Variants in LARP7 observed in about 807,000 individuals in gnomAD.
LARP7 encodes La ribonucleoprotein 7, transcriptional regulator.
LARP7 carries 52 observed loss-of-function variants against 69.3 expected under a neutral mutation model. That is an observed-to-expected ratio of 0.75 (90% CI 0.60 to 0.95). The LOEUF is 0.95. Ranked by LOEUF, LARP7 falls within the 40% of genes least tolerant of loss-of-function variation. LARP7 has a pLI of 0.00. For missense variants in LARP7, 733 were observed against 673.0 expected (o/e 1.09, Z -0.99); for synonymous variants, 254 against 215.9 (o/e 1.18, Z -1.55).
intron 1 of LARP7, among the ~76,000 whole-genome samples, chr4:112,644,007 C>CACTT (rs2048061296): frequency 6.6e-6 from 1 of 151,964 alleles, no homozygotes; most frequent in Non-Finnish European, 1.5e-5. Context: ...CTTTGGGAGG[C>CACTT]GGAGGCGGGC....
chr4:112,653,967 A>G lies in LARP7; in HGVS notation c.1577-101A>G. The G allele has an allele frequency of 3.6e-6, 3 of 831,070 alleles. No homozygotes were observed. In the South Asian group the frequency reaches 4.6e-5, roughly 13 times the overall value. The allele number at this position is 831,070 out of a possible 1,614,324, so 51.5% of individuals were successfully genotyped here. ...TGTAAAGTAGCATTAAATATAATCA[A>G]AAACTGTCCTAGTTACTATTATTGA... On this transcript the variant is annotated intron_variant, in intron 11 of 12. Coordinates refer to ENST00000344442, the MANE Select transcript of LARP7 (RefSeq NM_016648.4).
intron 10 of LARP7, 109 bp downstream of exon 10, chr4:112,650,691 T>G (rs910900011): frequency 8.1e-7 from 1 of 1,240,246 alleles, no homozygotes; most frequent in Non-Finnish European, 1.1e-6. Context: ...AGAATTTGTT[T>G]CCCTATGGTA....
chr4:112,650,758 T>C (rs1226843291), intron 10 of LARP7, among the ~76,000 whole-genome samples, 176 bp downstream of exon 10: 1 of 152,190 alleles, frequency 6.6e-6, no homozygotes, highest in East Asian at 1.9e-4. Context: ...TGAAGCAAAA[T>C]CTAGAGGCTG....
intron 1 of LARP7, among the ~76,000 whole-genome samples, chr4:112,643,048 C>T (rs776159212): frequency 2.0e-5 from 3 of 152,196 alleles, no homozygotes; most frequent in Non-Finnish European, 4.4e-5. Flanking sequence ...TCAACAAAAT[C>T]GAGGCACAAT....
chr4:112,644,621 C>G, intron 1 of LARP7, 47 bp from the exon 2 acceptor site: 2 of 1,375,552 alleles, frequency 1.5e-6, no homozygotes, highest in Non-Finnish European at 2.0e-6. Flanking sequence ...ACTATATTAG[C>G]TATTGTGGTG....
Position 112,646,398 on chromosome 4 carries a change from A to G in LARP7, c.250A>G (p.Thr84Ala). 6.2e-7 allele frequency: 1 copy of G among 1,604,904 alleles called. No individual in the cohort carries two copies. The highest frequency in any genetic ancestry group is 8.5e-7 in the Non-Finnish European group (1 of 1,172,832). Residue 84 changes from threonine (T) to alanine (A), a missense_variant, in exon 3 of 13, where the codon ACT (threonine) becomes GCT (alanine). Transcript: ENST00000344442. ...GTCTTTTAACAAAATGAAAAAATTG[A>G]CTACTGATGGGAAGTTAATTGCCAG... ...LVSFNKMKKL[T>A]TDGKLIARAL...
At chr4:112,655,163 A>T (rs537344435) in intron 12 of LARP7, among the ~76,000 whole-genome samples, 7 of 152,290 alleles carry the variant, frequency 4.6e-5, no homozygotes, top group African/African-American at 1.7e-4. Flanking sequence ...CTTCCCAAGG[A>T]TTCTTTCAGG....
In LARP7 at chr4:112,637,252, C is replaced by T. The variant is rs1269637632; in HGVS notation, c.-3+13C>T. The T allele has an allele frequency of 6.6e-6, 1 of 152,240 alleles. No individual in the cohort carries two copies. The highest frequency in any genetic ancestry group is 2.4e-5 in the African/African-American group (1 of 41,456). 9.4% of individuals were successfully genotyped at this position (152,240 alleles called of 1,614,324 possible). ...GGAGTCGAACGGAGTAAGTTACAAG[C>T]GGCCTATAGGGTCGCACAGCTTGGG... On this transcript the variant is annotated intron_variant, in intron 1 of 12. Coordinates refer to ENST00000344442, the MANE Select transcript of LARP7 (RefSeq NM_016648.4).
chr4:112,646,647 T>C lies in LARP7; in HGVS notation c.363T>C (p.Asp121=). The change falls in exon 4 of 13, where the codon GAT becomes GAC. Residue 121 remains aspartate, a synonymous_variant. Coordinates refer to ENST00000344442, the MANE Select transcript of LARP7 (RefSeq NM_016648.4). ...AACCTCTGGGGGAAAGACCAAAGGA[T>C]GAGGATGAACGCACAGTGTATGTGG... is the stretch of plus-strand genomic sequence containing the variant. ...RKKPLGERPK[D]EDERTVYVEL... 1 of 1,606,150 alleles carries C rather than the reference T, an allele frequency of 6.2e-7. No homozygotes were observed. Among genetic ancestry groups the C allele is most frequent in the African/African-American group, 1.3e-5 (1 of 74,862 alleles).
chr4:112,639,595 T>C (rs1578548053), intron 1 of LARP7, among the ~76,000 whole-genome samples: 1 of 152,164 alleles, frequency 6.6e-6, no homozygotes, highest in East Asian at 1.9e-4. Flanking sequence ...GGGAAGGTGC[T>C]AAGGAATTTC....
At chr4:112,641,126 C>T (rs1185759536) in intron 1 of LARP7, among the ~76,000 whole-genome samples, 3 of 152,118 alleles carry the variant, frequency 2.0e-5, no homozygotes, top group South Asian at 2.1e-4. Flanking sequence ...CTGAGCTGGG[C>T]GCGGTGGCTC....
chr4:112,646,529 A>C (rs1227388947), intron 3 of LARP7, 59 bp from the exon 4 acceptor site: 1 of 1,268,248 alleles, frequency 7.9e-7, no homozygotes, highest in Admixed American at 2.3e-5. Flanking sequence ...TTATTATATG[A>C]TTATAGCTTA....
Position 112,644,815 on chromosome 4 carries a change from C to G in LARP7, c.146C>G (p.Ala49Gly). ...AKQVDFWFGD[A>G]NLHKDRFLRE... ...CAAGTGGACTTCTGGTTTGGGGATGCAAATCTTCACAAGGATAGATTTCTT... is the reference window on the plus strand; with the variant it reads ...CAAGTGGACTTCTGGTTTGGGGATGGAAATCTTCACAAGGATAGATTTCTT... Residue 49 changes from alanine to glycine, a missense_variant, in exon 2 of 13, where the codon GCA becomes GGA. Ala to Gly is a moderately conservative substitution (Grantham distance 60, BLOSUM62 0). Transcript: ENST00000344442. 1 of 1,607,446 alleles carries G rather than the reference C, an allele frequency of 6.2e-7. No individual in the cohort carries two copies. Among genetic ancestry groups the G allele is most frequent in the Non-Finnish European group, 8.5e-7 (1 of 1,175,896 alleles).
At position 112,647,491 on chromosome 4, in the gene LARP7, G is replaced by T. The variant is rs754655165; in HGVS notation, c.939G>T (p.Lys313Asn). Residue 313 changes from lysine (K) to asparagine (N), a missense_variant, in exon 7 of 13, where the codon AAG becomes AAT. Coordinates refer to ENST00000344442, the MANE Select transcript of LARP7 (RefSeq NM_016648.4). Reference protein sequence around the residue: ...AESLAPRSKVKKIIQKDIIKE... With the variant: ...AESLAPRSKVNKIIQKDIIKE... ...CCCTAGCTCCCCGATCAAAAGTAAA[G>T]AAAATTATTCAGAAAGACATCATTA... 6.2e-7 allele frequency: 1 copy of T among 1,613,488 alleles called. No individual in the cohort carries two copies. The highest frequency in any genetic ancestry group is 8.5e-7 in the Non-Finnish European group (1 of 1,179,740).
chr4:112,649,594 C>G lies in LARP7; in HGVS notation c.1202C>G (p.Ser401Cys). The G allele has an allele frequency of 1.2e-6, 2 of 1,607,480 alleles. No individual in the cohort carries two copies. The highest frequency in any genetic ancestry group is 1.7e-6 in the Non-Finnish European group (2 of 1,176,590). ...GCGCTACAAAAAGCTAGCATGGCTT[C>G]TTTAAAAAAAACAATATCCCAAATA... is the stretch of plus-strand genomic sequence containing the variant. ...YLALQKASMA[S>C]LKKTISQIKS... Residue 401 changes from serine (S) to cysteine (C), a missense_variant, in exon 9 of 13, where the codon TCT becomes TGT. Ser to Cys is a moderately radical substitution (Grantham distance 112, BLOSUM62 -1). Transcript: ENST00000344442.
At chr4:112,640,493 G>A (rs191480348) in intron 1 of LARP7, among the ~76,000 whole-genome samples, 1 of 152,198 alleles carries the variant, frequency 6.6e-6, no homozygotes, top group African/African-American at 2.4e-5. Context: ...CTTGAGGTCA[G>A]GAGTTTGAGA....
rs1264525297 is a variant in LARP7 at position 112,647,187 on chromosome 4, G to A, written c.647-12G>A. 6.3e-7 allele frequency: 1 copy of A among 1,590,368 alleles called. No homozygotes were observed. The highest frequency in any genetic ancestry group is 8.5e-7 in the Non-Finnish European group (1 of 1,174,036). On this transcript the variant is annotated splice_polypyrimidine_tract_variant and intron_variant, in intron 6 of 12. Coordinates refer to ENST00000344442, the MANE Select transcript of LARP7 (RefSeq NM_016648.4). ...GAAGTAAGATGAACTAATAATGATGGCACTTTTACAGAAGAGAAGAAAAAG... is the reference window on the plus strand; with the variant it reads ...GAAGTAAGATGAACTAATAATGATGACACTTTTACAGAAGAGAAGAAAAAG...
At position 112,646,677 on chromosome 4, in the gene LARP7, C is replaced by T. The variant is rs2048272127; in HGVS notation, c.387+6C>T. 4.4e-6 allele frequency: 7 copies of T among 1,588,656 alleles called. No homozygotes were observed. Among genetic ancestry groups the T allele is most frequent in the Non-Finnish European group, 5.1e-6 (6 of 1,170,272 alleles). On this transcript the variant is annotated splice_donor_region_variant and intron_variant, in intron 4 of 12. Transcript: ENST00000344442. ...ATGAACGCACAGTGTATGTGGTAAG[C>T]TTAAGAACCCGGGTCCCCAGTCAGA...
Position 112,644,693 on chromosome 4 carries a change from G to A in LARP7, c.24G>A (p.Gln8=). 3 of 1,606,188 alleles carry A rather than the reference G, an allele frequency of 1.9e-6. No individual in the cohort carries two copies. Among genetic ancestry groups the A allele is most frequent in the Non-Finnish European group, 2.6e-6 (3 of 1,176,044 alleles). METESGN[Q]EKVMEEESTE... is the part of the protein sequence containing the mutation. ...GAATGGAAACTGAAAGTGGAAATCA[G>A]GAAAAGGTAATGGAAGAAGAAAGCA... Residue 8 remains glutamine (Q), a synonymous_variant, in exon 2 of 13, where the codon CAG becomes CAA. Coordinates refer to ENST00000344442, the MANE Select transcript of LARP7 (RefSeq NM_016648.4).
Sources: allele counts gnomAD v4.1 joint callset (sites outside exome capture counted in the v4.1 genomes callset), GRCh38; gene constraint gnomAD v4.1.1; transcripts MANE v1.5; gene names NCBI Gene and HGNC (gene_info 2026-07-23, HGNC 2026-07-21).